HMGN3: variants seen among roughly 807,000 people sequenced by gnomAD.
HMGN3 encodes high mobility group nucleosome-binding domain-containing protein 3.
In HMGN3, 6 loss-of-function variants were observed where a neutral mutation model predicts 18.8. The observed-to-expected ratio is 0.32, with a 90% CI of 0.18 to 0.63. HMGN3 has a LOEUF of 0.63. HMGN3 is among the 30% of genes least tolerant of loss of function. HMGN3 has a pLI of 0.79. For missense variants in HMGN3, 107 were observed against 114.2 expected, an observed-to-expected ratio of 0.94 and a Z score of 0.29; for synonymous variants, 40 against 36.5, an observed-to-expected ratio of 1.10 and a Z score of -0.35.
intron 3 of HMGN3, among the ~76,000 whole-genome samples, chr6:79,206,919 A>T (rs1351708403): frequency 1.3e-5 from 2 of 152,162 alleles, no homozygotes; most frequent in Non-Finnish European, 2.9e-5. Context: ...GGAGTCAAAG[A>T]TCATTTTGGA....
At chr6:79,208,034 G>A (rs1222891660) in intron 3 of HMGN3, among the ~76,000 whole-genome samples, 1 of 152,126 alleles carries the variant, frequency 6.6e-6, no homozygotes, top group Admixed American at 6.5e-5. Context: ...ATCTCAGCTT[G>A]TATCCTAACC....
intron 2 of HMGN3, among the ~76,000 whole-genome samples, chr6:79,211,357 ACTG>A (rs1393335763): frequency 6.6e-6 from 1 of 152,072 alleles, no homozygotes; most frequent in Non-Finnish European, 1.5e-5. Flanking sequence ...AATAGATTAG[ACTG>A]CTATTTTTTC....
chr6:79,209,694 TG>T (rs1776590929), intron 2 of HMGN3, among the ~76,000 whole-genome samples: 1 of 152,214 alleles, frequency 6.6e-6, no homozygotes, highest in Admixed American at 6.5e-5. Context: ...TGAGGAATCA[TG>T]GAATTCTTGA....
At chr6:79,210,562 G>A (rs1012819572) in intron 2 of HMGN3, among the ~76,000 whole-genome samples, 2 of 152,042 alleles carry the variant, frequency 1.3e-5, no homozygotes, top group Non-Finnish European at 2.9e-5. Flanking sequence ...ATGTAGCAGG[G>A]GCCCTCAATA....
chr6:79,231,741 C>A (rs970519050), intron 1 of HMGN3, among the ~76,000 whole-genome samples: 6 of 152,176 alleles, frequency 3.9e-5, no homozygotes, highest in African/African-American at 1.4e-4. Flanking sequence ...ATATTTGAGT[C>A]CTACCCACAC....
chr6:79,223,077 T>A (rs1228120278), intron 1 of HMGN3, among the ~76,000 whole-genome samples: 3 of 152,194 alleles, frequency 2.0e-5, no homozygotes, highest in Non-Finnish European at 1.5e-5. Context: ...AGGGTTTATA[T>A]TTAATATTAA....
At chr6:79,205,416 C>A (rs1776372061) in intron 3 of HMGN3, among the ~76,000 whole-genome samples, 1 of 152,220 alleles carries the variant, frequency 6.6e-6, no homozygotes, top group Non-Finnish European at 1.5e-5. Flanking sequence ...GTGAATGAGT[C>A]TCATGAGATC....
chr6:79,202,009 ACTAT>A, intron 5 of HMGN3, 50 bp downstream of exon 6: 1 of 1,507,308 alleles, frequency 6.6e-7, no homozygotes, highest in Non-Finnish European at 8.8e-7. Context: ...CCACCACACT[ACTAT>A]CTGATTCTAG....
intron 1 of HMGN3, among the ~76,000 whole-genome samples, chr6:79,223,529 C>T (rs1445045992): frequency 6.6e-6 from 1 of 151,728 alleles, no homozygotes; most frequent in Non-Finnish European, 1.5e-5. Context: ...AACAAACACA[C>T]ACACAAACAA....
chr6:79,233,544 G>A (rs1389908689), intron 1 of HMGN3, among the ~76,000 whole-genome samples: 1 of 151,976 alleles, frequency 6.6e-6, no homozygotes, highest in African/African-American at 2.4e-5. Flanking sequence ...GCGGTGGGAG[G>A]GTGCAAAGCA....
chr6:79,204,446 TC>T (rs1057476216), intron 3 of HMGN3, among the ~76,000 whole-genome samples: 1 of 152,172 alleles, frequency 6.6e-6, no homozygotes, highest in African/African-American at 2.4e-5. Flanking sequence ...CTGGCCAGCT[TC>T]CCAGGGGCCT....
chr6:79,201,503 CTTGAGGATGATGTAAAT>C (rs1276312208), exon 6 of HMGN3: 1 of 552,214 alleles, frequency 1.8e-6, no homozygotes, highest in Non-Finnish European at 3.2e-6. Context: ...ATTTATTTTA[CTTGAGGATGATGTAAAT>C]TTCCAAAAAG....
intron 3 of HMGN3, among the ~76,000 whole-genome samples, chr6:79,205,944 G>A (rs1210570705): frequency 6.6e-6 from 1 of 152,196 alleles, no homozygotes; most frequent in Non-Finnish European, 1.5e-5. Context: ...CTCTTGTTAC[G>A]TTTTAGCAAA....
chr6:79,233,555 C>T lies in HMGN3; in HGVS notation c.15+991G>A, dbSNP rs561985603. On this transcript the variant is annotated intron_variant, in intron 1 of 5. Coordinates refer to ENST00000344726, the Ensembl canonical transcript of HMGN3. ...GCTGGCGGTGGGAGGGTGCAAAGCA[C>T]TTGCTTAGGAACCAGCTGAGAAATC... Among the ~76,000 whole-genome samples, 232 of 152,226 alleles carry T rather than the reference C, an allele frequency of 1.5e-3. 2 individuals carry two copies. The highest frequency in any genetic ancestry group is 2.7e-3 in the Non-Finnish European group (184 of 68,006).
chr6:79,208,496 G>A lies in HMGN3; in HGVS notation c.96+51C>T, dbSNP rs755385059. 5.6e-6 allele frequency: 8 copies of A among 1,421,970 alleles called. No homozygotes were observed. In the South Asian group the frequency reaches 7.0e-5, roughly 12 times the overall value. The allele number at this position is 1,421,970 out of a possible 1,614,324, so 88.1% of individuals were successfully genotyped here. On this transcript the variant is annotated intron_variant, in intron 3 of 5. Coordinates refer to ENST00000344726, the Ensembl canonical transcript of HMGN3. ...CTTTTGCTGCTTCACTTTGGACAAA[G>A]GGAACATGTACTCATAAGAACTAAC...
rs572216179 is a variant in HMGN3, at chr6:79,202,098, T to C, written c.261+178A>G. On this transcript the variant is annotated intron_variant, in intron 5 of 5. Transcript: ENST00000344726. ...TCAATCTGCCCCTTTACTGACAGTG[T>C]GCTGGGTGGGGTGCCTCTGGAGGTT... 1.7e-5 allele frequency: 26 copies of C among 1,539,802 alleles called. No homozygotes were observed. In the South Asian group the frequency reaches 3.1e-4, roughly 18 times the overall value.
intron 1 of HMGN3, among the ~76,000 whole-genome samples, chr6:79,219,747 CA>C (rs1284394266): frequency 2.6e-5 from 4 of 151,968 alleles, no homozygotes; most frequent in East Asian, 3.9e-4. Context: ...GTAATTAATG[CA>C]AAAAAAGATT....
At chr6:79,213,405 A>T (rs1360426426) in intron 2 of HMGN3, among the ~76,000 whole-genome samples, 1 of 152,212 alleles carries the variant, frequency 6.6e-6, no homozygotes, top group Admixed American at 6.5e-5. Flanking sequence ...TGGTGTTTCT[A>T]GGTTTTTTGA....
rs7759413 is a variant in HMGN3 at position 79,220,382 on chromosome 6, T to C, written c.16-5360A>G. On this transcript the variant is annotated intron_variant, in intron 1 of 5. Coordinates refer to ENST00000344726, the Ensembl canonical transcript of HMGN3. ...ACCTAGACATAGTATACCCTTCCAT[T>C]ATAATGACAAGTGACAGAGGGAAGA... Among the ~76,000 whole-genome samples, 437 of 152,284 alleles carry C rather than the reference T, an allele frequency of 2.9e-3. 2 individuals carry two copies. The highest frequency in any genetic ancestry group is 9.9e-3 in the African/African-American group (412 of 41,546).
Sources: gnomAD v4.1 joint callset for allele counts (sites outside exome capture counted in the v4.1 genomes callset) on GRCh38, gnomAD v4.1.1 for gene constraint, MANE v1.5 for transcripts, NCBI Gene and HGNC (gene_info 2026-07-23, HGNC 2026-07-21) for gene names.